The following ADAM17 variants were observed in gnomAD, a reference collection of about 807,000 sequenced individuals.
ADAM17 encodes disintegrin and metalloproteinase domain-containing protein 17.
Under a neutral mutation model 96.7 loss-of-function variants are expected in ADAM17, and 39 were observed. The observed-to-expected ratio is 0.40, with a 90% CI of 0.31 to 0.53. The LOEUF is 0.53. Ranked by LOEUF, ADAM17 falls within the 20% of genes least tolerant of loss-of-function variation. ADAM17 has a pLI of 0.44. For synonymous variants in ADAM17, 344 were observed against 359.2 expected (o/e 0.96, Z 0.48); for missense variants, 777 against 1,013.2 (o/e 0.77, Z 3.17).
intron 4 of ADAM17, among the ~76,000 whole-genome samples, chr2:9,529,172 G>A (rs1044434035): frequency 6.6e-6 from 1 of 152,158 alleles, no homozygotes; most frequent in Admixed American, 6.6e-5. Flanking sequence ...CACACAGGCT[G>A]GGCGTGGTGG....
intron 7 of ADAM17, chr2:9,522,068 T>C (rs1664337491): frequency 4.9e-6 from 1 of 202,924 alleles, no homozygotes; most frequent in Non-Finnish European, 9.8e-6. Flanking sequence ...TCCTATATTA[T>C]TCCTGTTTCT....
chr2:9,514,570 A>ATATATATATAT (rs1663954843), intron 10 of ADAM17, among the ~76,000 whole-genome samples: 6 of 92,854 alleles, frequency 6.5e-5, no homozygotes, highest in South Asian at 3.9e-4. Context: ...TATATATATA[A>ATATATATATAT]ATAAAAAGAG....
At chr2:9,522,454 C>G in intron 7 of ADAM17, 6 of 593,326 alleles carry the variant, frequency 1.0e-5, no homozygotes, top group East Asian at 2.9e-5. Context: ...AAAGAAAATG[C>G]GTAACAGTGA....
intron 11 of ADAM17, among the ~76,000 whole-genome samples, chr2:9,507,178 A>G (rs546001943): frequency 6.6e-6 from 1 of 152,222 alleles, no homozygotes; most frequent in East Asian, 1.9e-4. Flanking sequence ...AGTTAAAAAT[A>G]TTTTTATTAA....
intron 10 of ADAM17, among the ~76,000 whole-genome samples, chr2:9,514,561 ATATATAT>A (rs1663949524): frequency 1.0e-4 from 10 of 98,848 alleles, no homozygotes; most frequent in Non-Finnish European, 1.7e-4. Context: ...ATATATATAT[ATATATAT>A]AAATAAAAAG....
rs201461814 is a variant in ADAM17, at chr2:9,521,321, A to G, written c.844-5T>C. On this transcript the variant is annotated splice_polypyrimidine_tract_variant and splice_region_variant and intron_variant, in intron 7 of 18. Coordinates refer to ENST00000310823, the MANE Select transcript of ADAM17 (RefSeq NM_003183.6). ...TGGAGACTTGAGAATGCGAATCTAT[A>G]CTTAAAGAGATCATATACTTAGAAC... The G allele has an allele frequency of 8.4e-3, 13,189 of 1,566,064 alleles. 74 individuals are homozygous for G. Among genetic ancestry groups the G allele is most frequent in the Non-Finnish European group, 0.01 (11,663 of 1,136,798 alleles).
chr2:9,494,951 T>G, intron 14 of ADAM17, 184 bp from the exon 15 acceptor site: 1 of 588,750 alleles, frequency 1.7e-6, no homozygotes, highest in Non-Finnish European at 2.8e-6. Context: ...CTCCTCAGCC[T>G]TCAGTGACAG....
At chr2:9,510,784 A>G (rs1663692942) in intron 10 of ADAM17, among the ~76,000 whole-genome samples, 1 of 152,204 alleles carries the variant, frequency 6.6e-6, no homozygotes, top group South Asian at 2.1e-4. Flanking sequence ...GTGATCTATG[A>G]TCACACCACT....
intron 1 of ADAM17, among the ~76,000 whole-genome samples, chr2:9,551,072 CAAA>C (rs752876279): frequency 8.3e-6 from 1 of 120,288 alleles, no homozygotes. Context: ...GACTCTGTCT[CAAA>C]AAAAAAAAAA....
chr2:9,502,061 A>G (rs1367737971), intron 13 of ADAM17, 112 bp downstream of exon 13: 3 of 950,568 alleles, frequency 3.2e-6, no homozygotes, highest in Non-Finnish European at 4.8e-6. Context: ...TCAACCCGGC[A>G]TATGAGATTA....
At chr2:9,524,952 TA>T (rs1294672091) in intron 6 of ADAM17, among the ~76,000 whole-genome samples, 1 of 152,142 alleles carries the variant, frequency 6.6e-6, no homozygotes, top group Non-Finnish European at 1.5e-5. Context: ...TAAGAAGTTG[TA>T]AAAAAATACA....
intron 7 of ADAM17, chr2:9,522,234 T>G (rs1280456570): frequency 4.1e-5 from 16 of 391,624 alleles, no homozygotes; most frequent in Non-Finnish European, 1.4e-5. Flanking sequence ...AAGCAAGGTG[T>G]AAAAGTGTAC....
At chr2:9,538,512 A>G (rs1665080611) in intron 2 of ADAM17, among the ~76,000 whole-genome samples, 1 of 152,208 alleles carries the variant, frequency 6.6e-6, no homozygotes. Context: ...ATTCTCAGTT[A>G]TGATTTTTCC....
intron 13 of ADAM17, among the ~76,000 whole-genome samples, chr2:9,498,056 G>GTC (rs1248453696): frequency 1.3e-5 from 2 of 152,002 alleles, no homozygotes; most frequent in African/African-American, 4.8e-5. Flanking sequence ...TTGAGACAGG[G>GTC]TCTCAGTCTG....
rs563872612 is a variant in ADAM17, at chr2:9,501,748, T to C, written c.1648+425A>G. Among the ~76,000 whole-genome samples the C allele has an allele frequency of 2.6e-5, 4 of 152,358 alleles. No homozygotes were observed. The South Asian group carries it at 8.3e-4, about 32-fold the overall frequency. ...TTTCCAAAATTTTGCTATTAGGATG[T>C]AGCCATTAAAAACCTTGTTATATTA... On this transcript the variant is annotated intron_variant, in intron 13 of 18. Transcript: ENST00000310823.
intron 4 of ADAM17, among the ~76,000 whole-genome samples, chr2:9,533,178 G>C (rs1664820228): frequency 6.7e-6 from 1 of 150,180 alleles, no homozygotes; most frequent in South Asian, 2.1e-4. Context: ...GACAGGGCGA[G>C]ATGCCATCTT....
intron 10 of ADAM17, among the ~76,000 whole-genome samples, chr2:9,514,010 CAA>C (rs565362289): frequency 1.2e-4 from 12 of 99,980 alleles, no homozygotes; most frequent in Non-Finnish European, 1.6e-4. Context: ...AACTCCATCT[CAA>C]AAAAAAAAAA....
intron 1 of ADAM17, among the ~76,000 whole-genome samples, chr2:9,545,896 C>T (rs2087259849): frequency 6.6e-6 from 1 of 151,942 alleles, no homozygotes; most frequent in Non-Finnish European, 1.5e-5. Context: ...GAGTTCGAGA[C>T]CAGCCTGGGC....
At chr2:9,527,034 C>T (rs986708730) in intron 5 of ADAM17, among the ~76,000 whole-genome samples, 12 of 150,788 alleles carry the variant, frequency 8.0e-5, no homozygotes, top group Admixed American at 1.3e-4. Flanking sequence ...ATAACATAAC[C>T]GTCTTTGGCC....
Sources: allele counts gnomAD v4.1 joint callset (sites outside exome capture counted in the v4.1 genomes callset), GRCh38; gene constraint gnomAD v4.1.1; transcripts MANE v1.5; gene names NCBI Gene and HGNC (gene_info 2026-07-23, HGNC 2026-07-21).